The following SLAMF1 variants were observed in gnomAD, a reference collection of about 807,000 sequenced individuals.
SLAMF1 encodes the protein signaling lymphocytic activation molecule.
Under a neutral mutation model 35.1 loss-of-function variants are expected in SLAMF1, and 18 were observed. That is an observed-to-expected ratio of 0.51 (90% confidence interval 0.35 to 0.76). The LOEUF is 0.76. Among genes scored for constraint, SLAMF1 ranks in the 30% least tolerant of loss-of-function variants. The pLI is 0.01. For missense variants in SLAMF1, 392 were observed against 413.0 expected, an observed-to-expected ratio of 0.95 and a Z score of 0.44; for synonymous variants, 168 against 157.2, an observed-to-expected ratio of 1.07 and a Z score of -0.51.
At chr1:160,627,322 G>C (rs1659934798) in intron 3 of SLAMF1, among the ~76,000 whole-genome samples, 1 of 152,196 alleles carries the variant, frequency 6.6e-6, no homozygotes, top group Admixed American at 6.5e-5. Flanking sequence ...TCTCCAAATA[G>C]TTGCTAGGTT....
intron 3 of SLAMF1, 55 bp from the exon 4 acceptor site, chr1:160,624,240 C>T: frequency 8.1e-7 from 1 of 1,228,556 alleles, no homozygotes; most frequent in Non-Finnish European, 1.2e-6. Flanking sequence ...AGCTTAAAAA[C>T]ATCTTACATG....
intron 3 of SLAMF1, among the ~76,000 whole-genome samples, chr1:160,627,408 A>C (rs796541204): frequency 6.6e-5 from 10 of 152,130 alleles, no homozygotes; most frequent in African/African-American, 2.4e-4. Flanking sequence ...AGTCTCAGTA[A>C]ATTCTTGTTG....
intron 4 of SLAMF1, among the ~76,000 whole-genome samples, chr1:160,623,064 TG>T (rs765264542): frequency 6.6e-6 from 1 of 152,078 alleles, no homozygotes; most frequent in Non-Finnish European, 1.5e-5. Flanking sequence ...AATTGTGGGA[TG>T]GGGAGCACTA....
intron 6 of SLAMF1, among the ~76,000 whole-genome samples, chr1:160,612,209 T>C (rs1313236759): frequency 1.3e-5 from 2 of 151,758 alleles, no homozygotes; most frequent in African/African-American, 4.8e-5. Flanking sequence ...AGTCCAGGAC[T>C]CATCAATCTG....
intron 3 of SLAMF1, among the ~76,000 whole-genome samples, chr1:160,625,565 A>G (rs948534015): frequency 2.0e-5 from 3 of 152,202 alleles, no homozygotes; most frequent in Admixed American, 6.5e-5. Flanking sequence ...CCTTTCACAC[A>G]TCAAGTTAGC....
At chr1:160,611,956 A>G (rs1659010711) in intron 6 of SLAMF1, among the ~76,000 whole-genome samples, 2 of 152,104 alleles carry the variant, frequency 1.3e-5, no homozygotes, top group Admixed American at 6.5e-5. Flanking sequence ...ACGTAGGTCT[A>G]TGGCTACTCT....
chr1:160,613,789 A>T (rs770566048), intron 5 of SLAMF1, among the ~76,000 whole-genome samples: 2 of 152,278 alleles, frequency 1.3e-5, no homozygotes, highest in Non-Finnish European at 2.9e-5. Flanking sequence ...CCTATAAAGT[A>T]TCTCAGGTTT....
chr1:160,634,669 A>T lies in SLAMF1; in HGVS notation c.644T>A (p.Ile215Asn). The T allele has an allele frequency of 6.2e-7, 1 of 1,613,902 alleles. No homozygotes were observed. The highest frequency in any genetic ancestry group is 8.5e-7 in the Non-Finnish European group (1 of 1,179,900). Reference sequence around the variant, plus strand: ...GCTGAAGGTCTGGGAATTGTTGCTGATAGGGTTGCTCACGGTGCAGATGTA... The same window carrying T: ...GCTGAAGGTCTGGGAATTGTTGCTGTTAGGGTTGCTCACGGTGCAGATGTA... ...NIYICTVSNP[I>N]SNNSQTFSPW... Residue 215 changes from isoleucine (I) to asparagine (N), a missense_variant, in exon 3 of 7, where the codon ATC (isoleucine) becomes AAC (asparagine). Transcript: ENST00000302035.
intron 3 of SLAMF1, among the ~76,000 whole-genome samples, chr1:160,631,444 G>A (rs1660160677): frequency 6.6e-6 from 1 of 152,212 alleles, no homozygotes; most frequent in South Asian, 2.1e-4. Context: ...GTAAAACTGA[G>A]GTCATTAGGG....
intron 5 of SLAMF1, among the ~76,000 whole-genome samples, chr1:160,616,276 T>C (rs1015973554): frequency 1.3e-5 from 2 of 152,088 alleles, no homozygotes; most frequent in Non-Finnish European, 2.9e-5. Context: ...CAGGAAGAAC[T>C]CTGTTACTTA....
chr1:160,633,890 T>C (rs1660289464), intron 3 of SLAMF1, among the ~76,000 whole-genome samples: 1 of 152,230 alleles, frequency 6.6e-6, no homozygotes, highest in African/African-American at 2.4e-5. Flanking sequence ...GTCAATTTCC[T>C]CATCTGTAAA....
intron 3 of SLAMF1, among the ~76,000 whole-genome samples, chr1:160,632,102 C>CA (rs538452204): frequency 5.4e-4 from 82 of 152,182 alleles, no homozygotes; most frequent in African/African-American, 1.9e-3. Context: ...AGACTTCTAG[C>CA]CTCCAGAACT....
chr1:160,640,382 A>ATT (rs2102357909), intron 1 of SLAMF1, among the ~76,000 whole-genome samples: 1 of 147,496 alleles, frequency 6.8e-6, no homozygotes, highest in South Asian at 2.1e-4. Context: ...ACACATATAT[A>ATT]TATATACACA....
At position 160,634,760 on chromosome 1, in the gene SLAMF1, G is replaced by A. The variant is rs142198585; in HGVS notation, c.553C>T (p.Leu185=). The A allele has an allele frequency of 3.4e-4, 546 of 1,614,206 alleles. No homozygotes were observed. Among genetic ancestry groups the A allele is most frequent in the Non-Finnish European group, 4.5e-4 (530 of 1,180,038 alleles). The change falls in exon 3 of 7, where the codon CTG becomes TTG. Residue 185 remains leucine, a synonymous_variant. Coordinates refer to ENST00000302035, the MANE Select transcript of SLAMF1 (RefSeq NM_003037.5). The part of the protein sequence containing the change: ...SWSEKAGTHP[L]NPANSSHLLS... The stretch of plus-strand genomic sequence containing the variant: ...AGGTGGGAGCTGTTGGCTGGGTTCA[G>A]TGGGTGGGTGCCCGCCTTTTCACTC...
chr1:160,623,491 T>C, intron 4 of SLAMF1: 1 of 398,726 alleles, frequency 2.5e-6, no homozygotes, highest in African/African-American at 2.1e-5. Flanking sequence ...GAGGATCAAG[T>C]TCTATCCTTA....
In SLAMF1 at chr1:160,634,816, A is replaced by G. The variant is rs747887683; in HGVS notation, c.497T>C (p.Val166Ala). 3.7e-6 allele frequency: 6 copies of G among 1,613,940 alleles called. No individual in the cohort carries two copies. The highest frequency in any genetic ancestry group is 1.7e-5 in the Admixed American group (1 of 59,988). The change falls in exon 3 of 7, where the codon GTG becomes GCG. Residue 166 changes from valine to alanine, a missense_variant. Coordinates refer to ENST00000302035, the MANE Select transcript of SLAMF1 (RefSeq NM_003037.5). ...GTAAGCCACATGGTCCCCCTTCTCC[A>G]CTGTGCAGCCCAGTATCAAGGTGCA... is the stretch of plus-strand genomic sequence containing the variant. ...GTCTLILGCT[V>A]EKGDHVAYSW...
chr1:160,644,495 G>C (rs974642134), intron 1 of SLAMF1, among the ~76,000 whole-genome samples: 2 of 152,226 alleles, frequency 1.3e-5, no homozygotes, highest in Non-Finnish European at 2.9e-5. Context: ...GTATATACCA[G>C]TATTATTCAC....
At position 160,610,363 on chromosome 1, in the gene SLAMF1, T is replaced by C. The variant is rs770823486; in HGVS notation, c.*385A>G. The C allele has an allele frequency of 4.3e-6, 2 of 461,022 alleles. No individual in the cohort carries two copies. The highest frequency in any genetic ancestry group is 3.1e-5 in the South Asian group (2 of 64,610). The allele number at this position is 461,022 out of a possible 1,614,324, so 28.6% of individuals were successfully genotyped here. A position where few individuals can be genotyped will look rare whatever the true frequency, so the allele number is the denominator to read the frequency against. Reference sequence around the variant, plus strand: ...CTTTTCCAGACTTTGTGACTGGTGGTCCAGTGTGTGAGATAGGTACTCAGA... The same window carrying C: ...CTTTTCCAGACTTTGTGACTGGTGGCCCAGTGTGTGAGATAGGTACTCAGA... On this transcript the variant is annotated 3_prime_UTR_variant, in exon 7 of 7. Transcript: ENST00000302035.
chr1:160,616,745 T>C (rs1659320179), intron 5 of SLAMF1, among the ~76,000 whole-genome samples: 2 of 152,200 alleles, frequency 1.3e-5, no homozygotes, highest in African/African-American at 4.8e-5. Context: ...CCAATAAACA[T>C]ATGAAAAGTT....
Sources: gnomAD v4.1 joint callset for allele counts (sites outside exome capture counted in the v4.1 genomes callset) on GRCh38, gnomAD v4.1.1 for gene constraint, MANE v1.5 for transcripts, NCBI Gene and HGNC (gene_info 2026-07-23, HGNC 2026-07-21) for gene names.